OR51B5: variants seen among roughly 807,000 people sequenced by gnomAD.
OR51B5 encodes olfactory receptor 51B5.
For synonymous variants in OR51B5, 186 were observed against 144.8 expected (o/e 1.28, Z -2.04); for missense variants, 456 against 374.6 (o/e 1.22, Z -1.79).
chr11:5,454,555 C>A, intron 1 of OR51B5: 1 of 723,522 alleles, frequency 1.4e-6, no homozygotes, highest in Non-Finnish European at 2.3e-6. Flanking sequence ...GATGGTGATG[C>A]AAAACTTATA....
chr11:5,503,465 A>G (rs1380623718), intron 1 of OR51B5, among the ~76,000 whole-genome samples: 1 of 152,244 alleles, frequency 6.6e-6, no homozygotes, highest in African/African-American at 2.4e-5. Context: ...CCCTATTTTA[A>G]AAGGAAAGAC....
Position 5,486,575 on chromosome 11 carries a change from G to T in OR51B5, n.84+18994C>A, listed in dbSNP as rs532672274. Among the ~76,000 whole-genome samples the T allele has an allele frequency of 3.9e-5, 6 of 152,274 alleles. No individual in the cohort carries two copies. In the East Asian group the frequency reaches 9.7e-4, roughly 25 times the overall value. ...TTGAGCAGCCACAAGCAGCTCTTTA[G>T]CTTCTAAGTTTGCCTAAGACATCTA... On this transcript the variant is annotated intron_variant and non_coding_transcript_variant, in intron 1 of 4. Coordinates refer to the OR51B5 transcript ENST00000415970.
chr11:5,440,494 T>C, intron 1 of OR51B5: 1 of 987,072 alleles, frequency 1.0e-6, no homozygotes, highest in Non-Finnish European at 1.5e-6. Flanking sequence ...CTCTTCATCC[T>C]TACTTTAGCA....
chr11:5,498,302 C>A (rs1232343780), intron 1 of OR51B5, among the ~76,000 whole-genome samples: 1 of 152,172 alleles, frequency 6.6e-6, no homozygotes, highest in Non-Finnish European at 1.5e-5. Flanking sequence ...AATGGCACTG[C>A]TAACCATGAC....
Position 5,351,967 on chromosome 11 carries a change from A to C in OR51B5, n.85-5057T>G, listed in dbSNP as rs138260730. 4 of 1,613,084 alleles carry C rather than the reference A, an allele frequency of 2.5e-6. No homozygotes were observed. In the African/African-American group the frequency reaches 5.3e-5, roughly 22 times the overall value. On this transcript the variant is annotated intron_variant and non_coding_transcript_variant, in intron 1 of 4. Coordinates refer to the OR51B5 transcript ENST00000415970. Reference sequence around the variant, plus strand: ...GGTATTGACAAGGGCTGGTCTGTCCATTATGCCAATAGTTGTTCGCCTACA... The same window carrying C: ...GGTATTGACAAGGGCTGGTCTGTCCCTTATGCCAATAGTTGTTCGCCTACA...
In OR51B5 at chr11:5,454,101, T is replaced by C. The variant is rs190734418; in HGVS notation, n.84+51468A>G. 94 of 1,614,230 alleles carry C rather than the reference T, an allele frequency of 5.8e-5. No homozygotes were observed. The Admixed American group carries it at 8.3e-4, about 14-fold the overall frequency. On this transcript the variant is annotated intron_variant and non_coding_transcript_variant, in intron 1 of 4. Coordinates refer to the OR51B5 transcript ENST00000415970. Reference sequence around the variant, plus strand: ...CATCTATGGACTCTTTGTTCTTGTATCCACCTTTGGCATGGACCTGTTTTT... The same window carrying C: ...CATCTATGGACTCTTTGTTCTTGTACCCACCTTTGGCATGGACCTGTTTTT...
chr11:5,383,669 G>A (rs1849643020), intron 1 of OR51B5: 1 of 152,132 alleles, frequency 6.6e-6, no homozygotes, highest in Non-Finnish European at 1.5e-5. Flanking sequence ...AAAAAGTTAG[G>A]GCTCTTCAGC....
rs181292379 is a variant in OR51B5, at chr11:5,355,164, G to A, written n.85-8254C>T. The A allele has an allele frequency of 1.3e-3, 214 of 169,212 alleles. 1 individual carries two copies. Among genetic ancestry groups the A allele is most frequent in the South Asian group, 2.0e-3 (13 of 6,352 alleles). 10.5% of individuals were successfully genotyped at this position (169,212 alleles called of 1,614,324 possible). A position where few individuals can be genotyped will look rare whatever the true frequency, so the allele number is the denominator to read the frequency against. ...CATCGGGCTCAACAGAGCTTCAGGA[G>A]GAAGGATAGGAGCCTCTGTCTAAGG... is the stretch of plus-strand genomic sequence containing the variant. On this transcript the variant is annotated intron_variant and non_coding_transcript_variant, in intron 1 of 4. Transcript: ENST00000415970.
chr11:5,355,676 C>T (rs925780768), intron 1 of OR51B5: 1 of 151,974 alleles, frequency 6.6e-6, no homozygotes, highest in Non-Finnish European at 1.5e-5. Flanking sequence ...GTACTGTATC[C>T]ACAAATCATC....
chr11:5,351,584 T>C (rs1251595380), intron 1 of OR51B5: 5 of 1,614,036 alleles, frequency 3.1e-6, no homozygotes, highest in Non-Finnish European at 4.2e-6. Context: ...CACTGGATAT[T>C]CATCCCATTA....
At chr11:5,356,146 G>T (rs1017217870) in intron 1 of OR51B5, among the ~76,000 whole-genome samples, 3 of 152,200 alleles carry the variant, frequency 2.0e-5, no homozygotes, top group Admixed American at 6.5e-5. Context: ...GACAAGTTGA[G>T]AGAAGAAGGC....
chr11:5,475,678 G>A (rs542310605), intron 1 of OR51B5, among the ~76,000 whole-genome samples: 121 of 152,148 alleles, frequency 8.0e-4, no homozygotes, highest in Middle Eastern at 3.4e-3. Context: ...TTTCTTCTAT[G>A]TTATTATGTA....
At chr11:5,419,896 A>G (rs1363033509) in intron 1 of OR51B5, among the ~76,000 whole-genome samples, 2 of 151,836 alleles carry the variant, frequency 1.3e-5, no homozygotes, top group African/African-American at 4.8e-5. Context: ...GCACATTTCT[A>G]TTGTAATATG....
At chr11:5,422,241 T>G in intron 1 of OR51B5, 1 of 1,613,682 alleles carries the variant, frequency 6.2e-7, no homozygotes, top group Non-Finnish European at 8.5e-7. Context: ...GGCATCTACT[T>G]CATCCTCACG....
Position 5,418,877 on chromosome 11 carries a change from T to TAAAAAAAAAA in OR51B5, n.85-71977_85-71968dup, listed in dbSNP as rs10636129. Reference sequence around the variant, plus strand: ...ATGTACCCCAGAACTTGAAGTATTATAAAAAAAAAAAAAGCATCATCTGGT... The same window carrying TAAAAAAAAAA: ...ATGTACCCCAGAACTTGAAGTATTATAAAAAAAAAAAAAAAAAAAAAAAGCATCATCTGGT... On this transcript the variant is annotated intron_variant and non_coding_transcript_variant, in intron 1 of 4. Transcript: ENST00000415970. Among the ~76,000 whole-genome samples the TAAAAAAAAAA allele has an allele frequency of 1.3e-4, 17 of 133,626 alleles. 2 individuals are homozygous for TAAAAAAAAAA. Among genetic ancestry groups the TAAAAAAAAAA allele is most frequent in the African/African-American group, 3.6e-4 (13 of 36,196 alleles). The allele number at this position is 133,626 out of a possible 152,430, so 87.7% of individuals were successfully genotyped here.
chr11:5,479,381 C>T (rs12802527), intron 1 of OR51B5, among the ~76,000 whole-genome samples: 3 of 150,714 alleles, frequency 2.0e-5, no homozygotes, highest in African/African-American at 7.3e-5. Flanking sequence ...TGGAAAGGAA[C>T]AACCGGTACC....
intron 1 of OR51B5, among the ~76,000 whole-genome samples, chr11:5,394,771 G>T (rs555664748): frequency 6.6e-6 from 1 of 152,140 alleles, no homozygotes; most frequent in Non-Finnish European, 1.5e-5. Flanking sequence ...ATCAGGGGAC[G>T]TTAGTTTTTT....
At chr11:5,459,318 G>A (rs1314002718) in intron 1 of OR51B5, among the ~76,000 whole-genome samples, 2 of 152,164 alleles carry the variant, frequency 1.3e-5, no homozygotes, top group African/African-American at 4.8e-5. Flanking sequence ...CTTGCTTATA[G>A]GGGATTAGCT....
intron 1 of OR51B5, among the ~76,000 whole-genome samples, chr11:5,383,399 G>A (rs931261789): frequency 1.3e-5 from 2 of 152,192 alleles, no homozygotes. Flanking sequence ...GAATCTTGAA[G>A]TAGTGGTGAT....
Sources: gnomAD v4.1 joint callset for allele counts (sites outside exome capture counted in the v4.1 genomes callset) on GRCh38, gnomAD v4.1.1 for gene constraint, MANE v1.5 for transcripts, NCBI Gene and HGNC (gene_info 2026-07-23, HGNC 2026-07-21) for gene names.